The following PPP4R4 variants were observed in gnomAD, a reference collection of about 807,000 sequenced individuals.
PPP4R4 encodes the protein serine/threonine-protein phosphatase 4 regulatory subunit 4.
Under a neutral mutation model 121.8 loss-of-function variants are expected in PPP4R4, and 70 were observed. The observed-to-expected ratio is 0.57, with a 90% CI of 0.47 to 0.70. The LOEUF (loss-of-function observed/expected upper bound fraction) is 0.70. Ranked by LOEUF, PPP4R4 falls within the 30% of genes least tolerant of loss-of-function variation. PPP4R4 has a pLI of 0.00. For missense variants in PPP4R4, 875 were observed against 1,033.6 expected, an observed-to-expected ratio of 0.85 and a Z score of 2.10; for synonymous variants, 348 against 355.7, an observed-to-expected ratio of 0.98 and a Z score of 0.24.
chr14:94,176,210 G>T (rs1373555188), intron 2 of PPP4R4, 83 bp downstream of exon 2: 22 of 1,171,686 alleles, frequency 1.9e-5, no homozygotes, highest in Non-Finnish European at 2.4e-5. Context: ...GTATGTTCGC[G>T]TTATGTTCAG....
rs150209117 is a variant in PPP4R4, at chr14:94,246,451, A to G, written c.1523A>G (p.Gln508Arg). 31 of 1,614,050 alleles carry G rather than the reference A, an allele frequency of 1.9e-5. No individual in the cohort carries two copies. The highest frequency in any genetic ancestry group is 3.3e-5 in the Admixed American group (2 of 60,002). Reference sequence around the variant, plus strand: ...TGGAGAACTCATGAGAAGCTACTTCAGAAATATGCCTGCCTGCCACATGTC... The same window carrying G: ...TGGAGAACTCATGAGAAGCTACTTCGGAAATATGCCTGCCTGCCACATGTC... ...LKWRTHEKLL[Q>R]KYACLPHVIS... Residue 508 changes from glutamine (Q) to arginine (R), a missense_variant, in exon 14 of 25, where the codon CAG becomes CGG. Coordinates refer to ENST00000304338, the MANE Select transcript of PPP4R4 (RefSeq NM_058237.2).
intron 24 of PPP4R4, among the ~76,000 whole-genome samples, chr14:94,277,641 A>G (rs1894717373): frequency 6.6e-6 from 1 of 152,220 alleles, no homozygotes; most frequent in Non-Finnish European, 1.5e-5. Flanking sequence ...CATTTTTTAC[A>G]GTAAAGACCA....
chr14:94,180,417 C>T (rs558980550), intron 2 of PPP4R4, among the ~76,000 whole-genome samples: 11 of 151,986 alleles, frequency 7.2e-5, no homozygotes, highest in Non-Finnish European at 1.2e-4. Context: ...CCAAATGACC[C>T]TAAGTAATAT....
In PPP4R4 at chr14:94,254,174, T is replaced by C. The variant is rs1178208094; in HGVS notation, c.1865+2278T>C. On this transcript the variant is annotated intron_variant, in intron 16 of 24. Coordinates refer to ENST00000304338, the MANE Select transcript of PPP4R4 (RefSeq NM_058237.2). ...TCATCTCATGGGCCCAGGAGTCTCA[T>C]AGAGATGAATCATTACGATGGCTTG... 2.6e-5 allele frequency among the ~76,000 whole-genome samples: 4 copies of C among 152,296 alleles called. No individual in the cohort carries two copies. The East Asian group carries it at 5.8e-4, about 22-fold the overall frequency.
chr14:94,235,065 T>C (rs1157781871), intron 7 of PPP4R4, among the ~76,000 whole-genome samples: 1 of 152,220 alleles, frequency 6.6e-6, no homozygotes, highest in African/African-American at 2.4e-5. Flanking sequence ...GTCTCTGATA[T>C]AAAAGAGTGT....
chr14:94,233,602 G>T (rs1306356610), intron 5 of PPP4R4, 51 bp from the exon 6 acceptor site: 1 of 1,128,208 alleles, frequency 8.9e-7, no homozygotes, highest in East Asian at 2.4e-5. Flanking sequence ...GACATGAGTG[G>T]CATGAATGTA....
chr14:94,208,621 G>A, intron 3 of PPP4R4, 55 bp downstream of exon 3: 1 of 1,420,062 alleles, frequency 7.0e-7, no homozygotes, highest in Admixed American at 1.8e-5. Flanking sequence ...GTAGCATGTT[G>A]TCATTGTTGA....
chr14:94,251,389 A>G (rs1159293289), intron 15 of PPP4R4, among the ~76,000 whole-genome samples: 1 of 152,040 alleles, frequency 6.6e-6, no homozygotes, highest in East Asian at 1.9e-4. Flanking sequence ...TTATCTTTTA[A>G]GAGGAAGAAG....
chr14:94,214,341 G>C (rs1446190334), intron 3 of PPP4R4, among the ~76,000 whole-genome samples: 2 of 152,086 alleles, frequency 1.3e-5, no homozygotes, highest in Non-Finnish European at 2.9e-5. Flanking sequence ...AATAAAGAAA[G>C]GATAAAAGGG....
chr14:94,179,581 C>G (rs1021576200), intron 2 of PPP4R4, among the ~76,000 whole-genome samples: 5 of 152,010 alleles, frequency 3.3e-5, no homozygotes, highest in African/African-American at 1.2e-4. Flanking sequence ...TTTGCTTTTC[C>G]TCATCCTGGA....
intron 2 of PPP4R4, among the ~76,000 whole-genome samples, chr14:94,190,951 G>T (rs550915790): frequency 8.5e-4 from 127 of 150,086 alleles, no homozygotes; most frequent in Middle Eastern, 3.5e-3. Flanking sequence ...AGACACGTTT[G>T]TGTGCATGTG....
intron 3 of PPP4R4, among the ~76,000 whole-genome samples, chr14:94,209,771 T>C (rs1392961749): frequency 6.6e-6 from 1 of 152,106 alleles, no homozygotes; most frequent in South Asian, 2.1e-4. Context: ...TAGGTCCTCT[T>C]GGCTACAGAG....
intron 24 of PPP4R4, 117 bp from the exon 25 acceptor site, chr14:94,278,502 T>A (rs1191229429): frequency 1.0e-5 from 5 of 479,348 alleles, no homozygotes; most frequent in Non-Finnish European, 1.8e-5. Flanking sequence ...TATATATTTT[T>A]AATTTACTTT....
chr14:94,200,620 A>G (rs188786945), intron 2 of PPP4R4, among the ~76,000 whole-genome samples: 3 of 152,338 alleles, frequency 2.0e-5, no homozygotes, highest in East Asian at 1.9e-4. Flanking sequence ...CTTTGTGTGC[A>G]TAAAGGTGTT....
At chr14:94,259,593 A>G (rs1893663714) in intron 19 of PPP4R4, among the ~76,000 whole-genome samples, 2 of 152,220 alleles carry the variant, frequency 1.3e-5, no homozygotes, top group Admixed American at 1.3e-4. Context: ...ATTGACAACT[A>G]CATATATTTA....
At chr14:94,264,352 A>C (rs922308572) in intron 19 of PPP4R4, among the ~76,000 whole-genome samples, 43 of 151,954 alleles carry the variant, frequency 2.8e-4, no homozygotes, top group African/African-American at 1.0e-3. Flanking sequence ...GGGTTTCATC[A>C]TGTTGGCCTG....
At chr14:94,213,393 A>G (rs561191037) in intron 3 of PPP4R4, among the ~76,000 whole-genome samples, 6 of 152,200 alleles carry the variant, frequency 3.9e-5, no homozygotes, top group Non-Finnish European at 8.8e-5. Context: ...AAAAGCATCA[A>G]TCATATCTTG....
At chr14:94,276,068 GTCTT>G (rs1894623081) in intron 24 of PPP4R4, among the ~76,000 whole-genome samples, 1 of 151,958 alleles carries the variant, frequency 6.6e-6, no homozygotes, top group Non-Finnish European at 1.5e-5. Context: ...ATTTGCTGAA[GTCTT>G]TCTTTTACCT....
At chr14:94,229,858 T>A (rs1396990679) in intron 3 of PPP4R4, among the ~76,000 whole-genome samples, 4 of 151,944 alleles carry the variant, frequency 2.6e-5, no homozygotes, top group African/African-American at 9.7e-5. Flanking sequence ...TCTCTCTATC[T>A]CTCTCTCTCA....
Sources: allele counts gnomAD v4.1 joint callset (sites outside exome capture counted in the v4.1 genomes callset), GRCh38; gene constraint gnomAD v4.1.1; transcripts MANE v1.5; gene names NCBI Gene and HGNC (gene_info 2026-07-23, HGNC 2026-07-21).